Variants in ZNF7 observed in about 807,000 individuals in gnomAD.
ZNF7 encodes zinc finger protein 7, also known as C2-H2 type zinc finger protein.
In ZNF7, 10 loss-of-function variants were observed where a neutral mutation model predicts 12.0. The observed-to-expected ratio is 0.83, with a 90% CI of 0.51 to 1.42. The LOEUF (loss-of-function observed/expected upper bound fraction) is 1.42, where lower values mean the gene tolerates loss of function less well. Ranked by LOEUF, ZNF7 falls within the 40% of genes most tolerant of loss-of-function variation. The pLI, the probability that ZNF7 is intolerant of heterozygous loss-of-function variation, is 0.00. For missense variants in ZNF7, 854 were observed against 837.2 expected (o/e 1.02, Z -0.25); for synonymous variants, 334 against 295.0 (o/e 1.13, Z -1.35).
At position 144,843,188 on chromosome 8, in the gene ZNF7, GTA is replaced by G; in HGVS notation, c.*26_*27del. Reference sequence around the variant, plus strand: ...GGATAGACCACTTACATATAAATGTGTATATATGTGAATAAACCTATAGCCTT... The same window carrying G: ...GGATAGACCACTTACATATAAATGTGTATATGTGAATAAACCTATAGCCTT... On this transcript the variant is annotated 3_prime_UTR_variant, in exon 5 of 5. Transcript: ENST00000532777. 1.3e-6 allele frequency: 2 copies of G among 1,539,744 alleles called. No homozygotes were observed. The highest frequency in any genetic ancestry group is 1.7e-6 in the Non-Finnish European group (2 of 1,147,866).
chr8:144,834,262 CT>C (rs921474947), intron 3 of ZNF7: 4 of 152,206 alleles, frequency 2.6e-5, no homozygotes, highest in Admixed American at 2.6e-4. Context: ...CATCTGGCAA[CT>C]TTGTGGAACT....
At chr8:144,845,173 C>A (rs559582066), downstream of ZNF7, among the ~76,000 whole-genome samples, 8 of 152,300 alleles carry the variant, frequency 5.3e-5, no homozygotes, top group African/African-American at 1.7e-4. Context: ...AGATTTCATT[C>A]TTTGTAGAAG....
intron 4 of ZNF7, chr8:144,838,440 T>C (rs1586817719): frequency 2.5e-6 from 1 of 392,978 alleles, no homozygotes; most frequent in Non-Finnish European, 4.6e-6. Context: ...GGTGCTCTGC[T>C]CCCCTGCTTA....
At chr8:144,844,906 A>G (rs541974183), downstream of ZNF7, among the ~76,000 whole-genome samples, 2 of 151,264 alleles carry the variant, frequency 1.3e-5, no homozygotes, top group African/African-American at 4.9e-5. Flanking sequence ...GTGGGGAAAG[A>G]GGACTCTGGG....
chr8:144,837,490 C>G lies in ZNF7; in HGVS notation c.230C>G (p.Pro77Arg). The G allele has an allele frequency of 6.2e-7, 1 of 1,609,858 alleles. No homozygotes were observed. Among genetic ancestry groups the G allele is most frequent in the Non-Finnish European group, 8.5e-7 (1 of 1,176,748 alleles). ...DLQGAEGTEA[P>R]RTSKTDSTIR... ...CAGGGAGCAGAGGGGACAGAGGCAC[C>G]AAGGACCTCCAAGACAGGTGAGGCT... Residue 77 changes from proline to arginine, a missense_variant, in exon 4 of 5, where the codon CCA becomes CGA. By Grantham distance (103) the Pro-to-Arg change is moderately radical. Transcript: ENST00000532777.
intron 3 of ZNF7, chr8:144,836,479 C>A (rs1450069976): frequency 6.6e-6 from 1 of 152,238 alleles, no homozygotes; most frequent in Non-Finnish European, 1.5e-5. Context: ...GTGAGTTTCA[C>A]ACTGAGTTGC....
chr8:144,845,922 C>T (rs938312954), downstream of ZNF7: 6 of 1,505,752 alleles, frequency 4.0e-6, no homozygotes, highest in Non-Finnish European at 5.3e-6. Context: ...TGTGCTTAGC[C>T]AGGTGGTCAC....
chr8:144,832,884 C>T (rs1828601418), intron 3 of ZNF7, among the ~76,000 whole-genome samples: 1 of 152,004 alleles, frequency 6.6e-6, no homozygotes, highest in Non-Finnish European at 1.5e-5. Context: ...TAGCTGTTTT[C>T]CCCAACATCA....
downstream of ZNF7, chr8:144,845,872 C>G: frequency 1.8e-6 from 2 of 1,125,756 alleles, no homozygotes; most frequent in Non-Finnish European, 2.5e-6. Flanking sequence ...GTGTCCCTGC[C>G]TTGCGTCACG....
chr8:144,832,371 C>T (rs1325904229), intron 3 of ZNF7, among the ~76,000 whole-genome samples: 3 of 94,912 alleles, frequency 3.2e-5, no homozygotes, highest in African/African-American at 6.1e-5. Flanking sequence ...TGCAGTGAGC[C>T]GGGATTGTGC....
downstream of ZNF7, among the ~76,000 whole-genome samples, chr8:144,844,151 C>T (rs1053397469): frequency 1.3e-5 from 2 of 152,196 alleles, no homozygotes; most frequent in African/African-American, 2.4e-5. Context: ...CCCTGAAACT[C>T]AGAGCCTTAT....
chr8:144,832,093 C>G (rs1285140386), intron 3 of ZNF7, among the ~76,000 whole-genome samples: 1 of 101,536 alleles, frequency 9.8e-6, no homozygotes, highest in Non-Finnish European at 2.5e-5. Context: ...GTGTTTTTGC[C>G]TTATGGATTG....
intron 4 of ZNF7, 108 bp from the exon 5 acceptor site, chr8:144,841,247 C>T: frequency 8.7e-7 from 1 of 1,144,698 alleles, no homozygotes; most frequent in East Asian, 2.4e-5. Flanking sequence ...CCTCACAGTG[C>T]TCAGTGCAAC....
Position 144,842,796 on chromosome 8 carries a change from T to C in ZNF7, c.1689T>C (p.Ser563=). 6.2e-7 allele frequency: 1 copy of C among 1,614,142 alleles called. No individual in the cohort carries two copies. Among genetic ancestry groups the C allele is most frequent in the Non-Finnish European group, 8.5e-7 (1 of 1,180,028 alleles). The change falls in exon 5 of 5, where the codon AGT becomes AGC. Residue 563 remains serine (S), a synonymous_variant. Transcript: ENST00000532777. ...GTAATGAATGTGGGAAAGCCTTCAG[T>C]CAAAACTCAACCCTTTTCCAACACC... ...YKCNECGKAF[S]QNSTLFQHQI...
Position 144,841,837 on chromosome 8 carries a change from T to C in ZNF7, c.730T>C (p.Cys244Arg), listed in dbSNP as rs77775951. 1.2e-6 allele frequency: 2 copies of C among 1,614,140 alleles called. No homozygotes were observed. The highest frequency in any genetic ancestry group is 3.3e-5 in the Admixed American group (2 of 60,012). ...DCLQGKHTNN[C>R]HGEKPYECAE... The stretch of plus-strand genomic sequence containing the variant: ...CTTGCAGGGGAAACATACAAATAAC[T>C]GCCATGGAGAGAAGCCGTACGAATG... Residue 244 changes from cysteine to arginine, a missense_variant, in exon 5 of 5, where the codon TGC becomes CGC. By Grantham distance (180) the Cys-to-Arg change is radical. Coordinates refer to ENST00000532777, the MANE Select transcript of ZNF7 (RefSeq NM_003416.4).
At chr8:144,838,082 G>T in intron 4 of ZNF7, 1 of 703,008 alleles carries the variant, frequency 1.4e-6, no homozygotes, top group East Asian at 2.7e-5. Flanking sequence ...TTTAGGGAAG[G>T]ATCCTGTCCT....
Position 144,841,915 on chromosome 8 carries a change from A to C in ZNF7, c.808A>C (p.Arg270=), listed in dbSNP as rs1390975480. 2 of 1,614,042 alleles carry C rather than the reference A, an allele frequency of 1.2e-6. No individual in the cohort carries two copies. Among genetic ancestry groups the C allele is most frequent in the Non-Finnish European group, 1.7e-6 (2 of 1,180,042 alleles). ...CTGCTCGCAGCTTAATCAGCATCAGAGAATCCACACGGGAGAGAAACCCTT... is the reference window on the plus strand; with the variant it reads ...CTGCTCGCAGCTTAATCAGCATCAGCGAATCCACACGGGAGAGAAACCCTT... ...RLCSQLNQHQ[R]IHTGEKPFKC... is the part of the protein sequence containing the mutation. Residue 270 remains arginine (R), a synonymous_variant, in exon 5 of 5, where the codon AGA becomes CGA. Transcript: ENST00000532777.
intron 2 of ZNF7, 106 bp downstream of exon 2, chr8:144,829,196 T>G: frequency 6.3e-7 from 1 of 1,584,800 alleles, no homozygotes; most frequent in Non-Finnish European, 8.6e-7. Context: ...CTTGCTGGGC[T>G]TAGGAAGGCC....
At chr8:144,845,832 G>T (rs1830480359), downstream of ZNF7, 1 of 742,782 alleles carries the variant, frequency 1.3e-6, no homozygotes, top group Non-Finnish European at 2.2e-6. Context: ...ACTCACACCG[G>T]AACTTCTGTG....
Sources: gnomAD v4.1 joint callset for allele counts (sites outside exome capture counted in the v4.1 genomes callset) on GRCh38, gnomAD v4.1.1 for gene constraint, MANE v1.5 for transcripts, NCBI Gene and HGNC (gene_info 2026-07-23, HGNC 2026-07-21) for gene names.